POLB: variants seen among roughly 807,000 people sequenced by gnomAD.
POLB encodes the protein DNA polymerase beta.
Under a neutral mutation model 52.7 loss-of-function variants are expected in POLB, and 37 were observed. The ratio of observed to expected loss-of-function variants is 0.70; its 90% confidence interval spans 0.54 to 0.92. The LOEUF (loss-of-function observed/expected upper bound fraction) is 0.92. POLB is among the 40% of genes least tolerant of loss of function. POLB has a pLI of 0.00. For missense variants in POLB, 313 were observed against 400.8 expected, an observed-to-expected ratio of 0.78 and a Z score of 1.87; for synonymous variants, 138 against 131.3, an observed-to-expected ratio of 1.05 and a Z score of -0.35.
rs537516753 is a variant in POLB, at chr8:42,340,406, G to A, written c.119+1337G>A. 5.9e-5 allele frequency among the ~76,000 whole-genome samples: 9 copies of A among 152,274 alleles called. 1 individual carries two copies. The highest frequency in any genetic ancestry group is 1.7e-4 in the African/African-American group (7 of 41,548). On this transcript the variant is annotated intron_variant, in intron 2 of 13. Transcript: ENST00000265421. ...ATAAGATTACCTTCAGGGTATGTGC[G>A]TAAGGTGTGTGAGAAATATGACTGA...
At chr8:42,345,075 T>A in intron 3 of POLB, 56 bp downstream of exon 3, 1 of 1,207,134 alleles carries the variant, frequency 8.3e-7, no homozygotes, top group South Asian at 1.2e-5. Flanking sequence ...ATTTGGTGGG[T>A]TCCCACCAAA....
rs62508030 is a variant in POLB, at chr8:42,340,826, T to C, written c.119+1757T>C. 8.3e-3 allele frequency among the ~76,000 whole-genome samples: 1,271 copies of C among 152,330 alleles called. 8 individuals are homozygous for C. The highest frequency in any genetic ancestry group is 0.014 in the Non-Finnish European group (944 of 68,028). Reference sequence around the variant, plus strand: ...TACTTCTGTGACTTCCTCTGTAAAGTAAAATAATTGTATTATCATCCATAC... The same window carrying C: ...TACTTCTGTGACTTCCTCTGTAAAGCAAAATAATTGTATTATCATCCATAC... On this transcript the variant is annotated intron_variant, in intron 2 of 13. Coordinates refer to ENST00000265421, the MANE Select transcript of POLB (RefSeq NM_002690.3).
intron 9 of POLB, among the ~76,000 whole-genome samples, chr8:42,359,584 C>CA (rs1193986110): frequency 7.1e-5 from 10 of 141,228 alleles, no homozygotes; most frequent in Non-Finnish European, 1.5e-4. Context: ...GGGCTGGTCT[C>CA]AAACTCTTGG....
chr8:42,341,365 C>T (rs571516581), intron 2 of POLB, among the ~76,000 whole-genome samples: 1 of 152,198 alleles, frequency 6.6e-6, no homozygotes, highest in Admixed American at 6.5e-5. Context: ...CTGTGTTTGC[C>T]TGCTCCTTTA....
chr8:42,362,466 T>C, intron 10 of POLB, 146 bp from the exon 11 acceptor site: 2 of 572,606 alleles, frequency 3.5e-6, no homozygotes, highest in Non-Finnish European at 6.3e-6. Context: ...TTCAAGGCTA[T>C]AGTTTGCCAT....
chr8:42,342,145 A>G (rs751909702), intron 2 of POLB: 118 of 1,508,272 alleles, frequency 7.8e-5, no homozygotes, highest in Non-Finnish European at 1.1e-4. Context: ...ACAAGCCTCC[A>G]TCCAGGTCAC....
intron 2 of POLB, chr8:42,340,104 T>C (rs1471287849): frequency 6.6e-6 from 1 of 152,256 alleles, no homozygotes; most frequent in Admixed American, 6.5e-5. Context: ...TCTCATCTTA[T>C]TGGACTCTCT....
At chr8:42,354,147 C>T (rs1262967530) in intron 6 of POLB, among the ~76,000 whole-genome samples, 1 of 152,146 alleles carries the variant, frequency 6.6e-6, no homozygotes, top group Non-Finnish European at 1.5e-5. Context: ...TTTTATATTT[C>T]ACAATTCACA....
At chr8:42,364,375 C>T (rs1018568855) in intron 11 of POLB, among the ~76,000 whole-genome samples, 4 of 152,036 alleles carry the variant, frequency 2.6e-5, no homozygotes, top group African/African-American at 4.8e-5. Flanking sequence ...ACTGCAGGTG[C>T]GCACCACCAT....
At chr8:42,356,408 A>T (rs1231243123) in intron 7 of POLB, among the ~76,000 whole-genome samples, 1 of 152,214 alleles carries the variant, frequency 6.6e-6, no homozygotes, top group Non-Finnish European at 1.5e-5. Context: ...TTTCACACTG[A>T]ATTTCCTAAC....
At chr8:42,348,924 T>A in intron 3 of POLB, 92 bp from the exon 4 acceptor site, 1 of 684,064 alleles carries the variant, frequency 1.5e-6, no homozygotes, top group Non-Finnish European at 2.5e-6. Context: ...TGGTATTCAT[T>A]TGTTTTTCAT....
chr8:42,348,512 C>G (rs1354586007), intron 3 of POLB, among the ~76,000 whole-genome samples: 2 of 152,254 alleles, frequency 1.3e-5, no homozygotes, highest in Admixed American at 1.3e-4. Flanking sequence ...CATCAGCGTC[C>G]CCTGAGAACT....
At chr8:42,371,081 A>T (rs1375061066) in intron 13 of POLB, among the ~76,000 whole-genome samples, 1 of 152,164 alleles carries the variant, frequency 6.6e-6, no homozygotes, top group Non-Finnish European at 1.5e-5. Flanking sequence ...ATGACTCACG[A>T]GATGAAGCTC....
intron 13 of POLB, 49 bp downstream of exon 13, chr8:42,370,037 G>A (rs1824280427): frequency 6.8e-7 from 1 of 1,460,646 alleles, no homozygotes; most frequent in African/African-American, 1.4e-5. Flanking sequence ...TGGAGAGAAG[G>A]TTATTTTCAA....
intron 6 of POLB, among the ~76,000 whole-genome samples, chr8:42,353,200 C>T (rs1481956144): frequency 3.4e-5 from 5 of 149,036 alleles, no homozygotes; most frequent in Non-Finnish European, 7.4e-5. Flanking sequence ...GCTCTGCCTC[C>T]CAGGTTCATG....
chr8:42,341,787 C>G (rs991489867), intron 2 of POLB: 1 of 490,662 alleles, frequency 2.0e-6, no homozygotes, highest in African/African-American at 2.0e-5. Flanking sequence ...GCAGCCCCCT[C>G]CTGAGCCGTG....
chr8:42,370,021 C>T, intron 13 of POLB, 33 bp downstream of exon 13: 2 of 1,550,054 alleles, frequency 1.3e-6, no homozygotes, highest in South Asian at 2.2e-5. Flanking sequence ...GAGATCATCT[C>T]TCATCTGGAG....
chr8:42,364,278 C>T (rs1442848686), intron 11 of POLB, among the ~76,000 whole-genome samples: 1 of 151,890 alleles, frequency 6.6e-6, no homozygotes, highest in Non-Finnish European at 1.5e-5. Flanking sequence ...CTTGCTCTGT[C>T]ACCCAGGCTG....
At chr8:42,355,298 A>G (rs1482678298) in intron 6 of POLB, among the ~76,000 whole-genome samples, 2 of 152,112 alleles carry the variant, frequency 1.3e-5, no homozygotes, top group South Asian at 2.1e-4. Context: ...TCGGCCTCCC[A>G]AAGTGCTGGG....
Sources: gnomAD v4.1 joint callset for allele counts (sites outside exome capture counted in the v4.1 genomes callset) on GRCh38, gnomAD v4.1.1 for gene constraint, MANE v1.5 for transcripts, NCBI Gene and HGNC (gene_info 2026-07-23, HGNC 2026-07-21) for gene names.